NOX4: variants seen among roughly 807,000 people sequenced by gnomAD.
NOX4 encodes NADPH oxidase 4.
NOX4 carries 69 observed loss-of-function variants against 87.6 expected under a neutral mutation model. That is an observed-to-expected ratio of 0.79 (90% CI 0.65 to 0.96). The LOEUF is 0.96. NOX4 is among the 40% of genes least tolerant of loss of function. The pLI is 0.00. For missense variants in NOX4, 680 were observed against 681.5 expected, an observed-to-expected ratio of 1.00 and a Z score of 0.02; for synonymous variants, 275 against 238.2, an observed-to-expected ratio of 1.15 and a Z score of -1.42.
At chr11:89,478,355 C>T (rs949153705) in intron 2 of NOX4, among the ~76,000 whole-genome samples, 2 of 152,076 alleles carry the variant, frequency 1.3e-5, no homozygotes. Flanking sequence ...AAAACTAAGG[C>T]TTTCAAAATT....
At chr11:89,423,960 G>C (rs12576005) in intron 7 of NOX4, among the ~76,000 whole-genome samples, 1 of 152,000 alleles carries the variant, frequency 6.6e-6, no homozygotes, top group African/African-American at 2.4e-5. Flanking sequence ...CTAGCTACTA[G>C]GGAGGCTGAA....
chr11:89,526,724 A>G, the NOX4 span, among the ~76,000 whole-genome samples: 1 of 152,114 alleles, frequency 6.6e-6, no homozygotes, highest in Non-Finnish European at 1.5e-5. Flanking sequence ...TTTGCCTTCC[A>G]CCATGATTGT....
chr11:89,504,834 G>C, the NOX4 span, among the ~76,000 whole-genome samples: 5 of 152,052 alleles, frequency 3.3e-5, no homozygotes, highest in African/African-American at 1.2e-4. Flanking sequence ...ATGTTAGAAA[G>C]ATCTTCTTGA....
At chr11:89,523,077 T>C in the NOX4 span, among the ~76,000 whole-genome samples, 1 of 152,106 alleles carries the variant, frequency 6.6e-6, no homozygotes, top group Non-Finnish European at 1.5e-5. Flanking sequence ...CAGGCTGAAA[T>C]GCAGTGGCGC....
the NOX4 span, among the ~76,000 whole-genome samples, chr11:89,553,261 T>C: frequency 3.3e-5 from 5 of 152,118 alleles, no homozygotes; most frequent in Admixed American, 6.6e-5. Context: ...TGGGAGGTGA[T>C]TGGATCGTGG....
the NOX4 span, among the ~76,000 whole-genome samples, chr11:89,518,340 T>G: frequency 6.6e-6 from 1 of 150,622 alleles, no homozygotes; most frequent in Non-Finnish European, 1.5e-5. Context: ...GGAATTCAAT[T>G]ATCAAAGTTC....
At chr11:89,536,177 C>T in the NOX4 span, among the ~76,000 whole-genome samples, 2 of 125,314 alleles carry the variant, frequency 1.6e-5, no homozygotes, top group African/African-American at 6.2e-5. Context: ...GACGGAGTCT[C>T]GCTCTGTTGC....
chr11:89,433,640 T>C (rs923065633), intron 6 of NOX4, among the ~76,000 whole-genome samples: 10 of 152,028 alleles, frequency 6.6e-5, no homozygotes, highest in African/African-American at 2.4e-4. Context: ...AGAACAAAAA[T>C]TGGAGGTTTC....
At chr11:89,414,671 C>T (rs1942667877) in intron 8 of NOX4, among the ~76,000 whole-genome samples, 1 of 149,822 alleles carries the variant, frequency 6.7e-6, no homozygotes, top group Non-Finnish European at 1.5e-5. Flanking sequence ...ATAGAGTTAT[C>T]ATATTATTAT....
chr11:89,441,974 C>A (rs1405028192), intron 5 of NOX4, among the ~76,000 whole-genome samples: 6 of 143,112 alleles, frequency 4.2e-5, no homozygotes, highest in East Asian at 2.0e-4. Flanking sequence ...TATATATAAT[C>A]AATATATAAA....
the NOX4 span, among the ~76,000 whole-genome samples, chr11:89,506,806 A>T: frequency 6.6e-6 from 1 of 151,932 alleles, no homozygotes; most frequent in South Asian, 2.1e-4. Flanking sequence ...GCAAATAAGC[A>T]TAGGCAAACA....
chr11:89,437,844 C>T (rs1366013381), intron 6 of NOX4, among the ~76,000 whole-genome samples: 3 of 152,066 alleles, frequency 2.0e-5, no homozygotes, highest in African/African-American at 4.8e-5. Context: ...TTTGAGAATG[C>T]TCAAGTATTT....
At chr11:89,406,843 T>C (rs1042284776) in intron 8 of NOX4, among the ~76,000 whole-genome samples, 5 of 152,070 alleles carry the variant, frequency 3.3e-5, no homozygotes, top group African/African-American at 1.2e-4. Context: ...TAATGCCATA[T>C]AAACATATGA....
At position 89,428,221 on chromosome 11, in the gene NOX4, A is replaced by G. The variant is rs940341345; in HGVS notation, c.548+4563T>C. Among the ~76,000 whole-genome samples, 9 of 152,202 alleles carry G rather than the reference A, an allele frequency of 5.9e-5. No individual in the cohort carries two copies. In the East Asian group the frequency reaches 9.6e-4, roughly 16 times the overall value. On this transcript the variant is annotated intron_variant, in intron 7 of 17. Transcript: ENST00000263317. ...CCCTAAAAGAGCTCCTGAAGGAAGC[A>G]CTAAACATGGAAAGGAACAACCGGT...
intron 13 of NOX4, among the ~76,000 whole-genome samples, chr11:89,345,587 C>T (rs1190872691): frequency 2.0e-5 from 3 of 152,094 alleles, no homozygotes; most frequent in African/African-American, 7.2e-5. Context: ...TGCACCTTTC[C>T]CTCCCACATC....
chr11:89,493,721 T>TTTTTTTTTA (rs372046431), upstream of NOX4, among the ~76,000 whole-genome samples: 41 of 142,292 alleles, frequency 2.9e-4, no homozygotes, highest in Non-Finnish European at 5.3e-4. Context: ...GCCAGATTGT[T>TTTTTTTTTA]TTATTATTAT....
chr11:89,415,513 C>T (rs767986398), intron 8 of NOX4, among the ~76,000 whole-genome samples: 13 of 151,988 alleles, frequency 8.6e-5, no homozygotes, highest in Non-Finnish European at 1.8e-4. Context: ...CGTTTTTGAC[C>T]ACACAAACTT....
upstream of NOX4, among the ~76,000 whole-genome samples, chr11:89,491,748 A>T (rs1163339212): frequency 6.7e-6 from 1 of 148,854 alleles, no homozygotes; most frequent in East Asian, 1.9e-4. Context: ...ACACACACAC[A>T]CACACACACA....
At chr11:89,424,702 T>G (rs923127668) in intron 7 of NOX4, among the ~76,000 whole-genome samples, 5 of 152,034 alleles carry the variant, frequency 3.3e-5, no homozygotes, top group Non-Finnish European at 7.4e-5. Context: ...ATGAGAAAAT[T>G]TATTCCTGTC....
Sources: gnomAD v4.1 joint callset for allele counts (sites outside exome capture counted in the v4.1 genomes callset) on GRCh38, gnomAD v4.1.1 for gene constraint, MANE v1.5 for transcripts, NCBI Gene and HGNC (gene_info 2026-07-23, HGNC 2026-07-21) for gene names.